Variants in CACHD1 observed in about 807,000 individuals in gnomAD.
CACHD1 encodes VWFA and cache domain-containing protein 1.
A neutral mutation model predicts 138.7 loss-of-function variants in CACHD1; 71 were observed. That is an observed-to-expected ratio of 0.51 (90% CI 0.42 to 0.62). The LOEUF (loss-of-function observed/expected upper bound fraction) is 0.62, where lower values mean the gene tolerates loss of function less well. CACHD1 is among the 20% of genes least tolerant of loss of function. The pLI is 0.00. For missense variants in CACHD1, 1,389 were observed against 1,625.3 expected, an observed-to-expected ratio of 0.85 and a Z score of 2.50; for synonymous variants, 578 against 591.5, an observed-to-expected ratio of 0.98 and a Z score of 0.33.
chr1:64,662,659 C>T (rs886249368), intron 13 of CACHD1, among the ~76,000 whole-genome samples: 2 of 152,138 alleles, frequency 1.3e-5, no homozygotes, highest in Admixed American at 6.5e-5. Flanking sequence ...TTTAAAAATA[C>T]TATAAGGTTG....
intron 6 of CACHD1, among the ~76,000 whole-genome samples, chr1:64,633,239 C>T (rs1179521235): frequency 6.6e-6 from 1 of 152,072 alleles, no homozygotes; most frequent in Non-Finnish European, 1.5e-5. Flanking sequence ...ATGTCAGGGA[C>T]CATCTGTATA....
chr1:64,522,264 G>A (rs550534823), intron 1 of CACHD1, among the ~76,000 whole-genome samples: 58 of 151,986 alleles, frequency 3.8e-4, no homozygotes, highest in African/African-American at 1.3e-3. Flanking sequence ...GGCCATAGAT[G>A]TATGGGTTGA....
chr1:64,574,844 A>G (rs1277029934), intron 2 of CACHD1, among the ~76,000 whole-genome samples: 1 of 152,172 alleles, frequency 6.6e-6, no homozygotes, highest in African/African-American at 2.4e-5. Context: ...GCTGAATTTA[A>G]CTGAAACTTC....
At chr1:64,507,849 G>T (rs1242859426) in intron 1 of CACHD1, among the ~76,000 whole-genome samples, 5 of 152,182 alleles carry the variant, frequency 3.3e-5, no homozygotes, top group Admixed American at 3.3e-4. Flanking sequence ...TAAAGTTGGG[G>T]CCTCCATGTC....
intron 2 of CACHD1, among the ~76,000 whole-genome samples, chr1:64,564,000 T>A (rs1646862015): frequency 1.3e-5 from 2 of 152,182 alleles, no homozygotes; most frequent in Admixed American, 1.3e-4. Context: ...AATATAAGGA[T>A]ACCAAAAGAA....
In CACHD1 at chr1:64,688,720, C is replaced by T. The variant is rs1291091108; in HGVS notation, c.3587-2603C>T. On this transcript the variant is annotated intron_variant, in intron 26 of 26. Transcript: ENST00000651257. ...ATCATAGCTCATAGCTTCAGCCAGCCTTCTTGACCTGGTCTTAGCCTATCT... is the reference window on the plus strand; with the variant it reads ...ATCATAGCTCATAGCTTCAGCCAGCTTTCTTGACCTGGTCTTAGCCTATCT... 2.6e-5 allele frequency among the ~76,000 whole-genome samples: 4 copies of T among 152,210 alleles called. No homozygotes were observed. The East Asian group carries it at 7.7e-4, about 29-fold the overall frequency.
At chr1:64,500,920 G>A (rs1480653811) in intron 1 of CACHD1, among the ~76,000 whole-genome samples, 2 of 151,834 alleles carry the variant, frequency 1.3e-5, no homozygotes, top group African/African-American at 4.8e-5. Flanking sequence ...GTGGTGGCAA[G>A]TGCCTATAAT....
At chr1:64,665,084 T>A (rs1649585918) in intron 15 of CACHD1, among the ~76,000 whole-genome samples, 2 of 152,226 alleles carry the variant, frequency 1.3e-5, no homozygotes, top group Admixed American at 1.3e-4. Context: ...TTCTAGGCTT[T>A]TTTTTTACTT....
intron 1 of CACHD1, among the ~76,000 whole-genome samples, chr1:64,521,105 C>G (rs987397089): frequency 6.6e-6 from 1 of 152,210 alleles, no homozygotes; most frequent in African/African-American, 2.4e-5. Flanking sequence ...AAGATGGCAG[C>G]TGGTACTTCA....
intron 1 of CACHD1, among the ~76,000 whole-genome samples, chr1:64,505,055 CAGA>C (rs1646361723): frequency 6.6e-6 from 1 of 152,178 alleles, no homozygotes; most frequent in South Asian, 2.1e-4. Context: ...CTTCCTCACC[CAGA>C]AGAACATTTA....
At chr1:64,631,418 G>C (rs982740353) in intron 5 of CACHD1, among the ~76,000 whole-genome samples, 1 of 152,050 alleles carries the variant, frequency 6.6e-6, no homozygotes, top group Non-Finnish European at 1.5e-5. Context: ...AAATATAGTG[G>C]TACTTTAGTA....
At chr1:64,643,711 A>T (rs138830276) in intron 8 of CACHD1, among the ~76,000 whole-genome samples, 1 of 152,044 alleles carries the variant, frequency 6.6e-6, no homozygotes, top group Non-Finnish European at 1.5e-5. Context: ...GGTGGCGGGC[A>T]CCTGTAGTCC....
intron 1 of CACHD1, among the ~76,000 whole-genome samples, chr1:64,537,892 G>A (rs1341985069): frequency 2.6e-5 from 4 of 151,900 alleles, no homozygotes; most frequent in Non-Finnish European, 5.9e-5. Flanking sequence ...GCTGGTAAGT[G>A]GCAAAGATTT....
chr1:64,622,521 T>C (rs2100618288), intron 4 of CACHD1, among the ~76,000 whole-genome samples: 1 of 152,368 alleles, frequency 6.6e-6, no homozygotes, highest in South Asian at 2.1e-4. Flanking sequence ...TACAAACTAA[T>C]AAATCTGTTA....
rs750077473 is a variant in CACHD1 at position 64,673,808 on chromosome 1, G to A, written c.2727+344G>A. ...TGGCACCATGTGTTCCTCTCTTCCTGTCTTCTAGAGATCACTCGGGCTCCT... is the reference window on the plus strand; with the variant it reads ...TGGCACCATGTGTTCCTCTCTTCCTATCTTCTAGAGATCACTCGGGCTCCT... On this transcript the variant is annotated intron_variant, in intron 19 of 26. Transcript: ENST00000651257. Among the ~76,000 whole-genome samples the A allele has an allele frequency of 2.0e-4, 31 of 152,268 alleles. No individual in the cohort carries two copies. The Middle Eastern group carries it at 0.01, about 50-fold the overall frequency.
chr1:64,541,564 T>C (rs1403474412), intron 1 of CACHD1, among the ~76,000 whole-genome samples: 3 of 152,102 alleles, frequency 2.0e-5, no homozygotes, highest in Non-Finnish European at 4.4e-5. Context: ...TCCCAGCACT[T>C]TGGGAGGCTG....
At chr1:64,644,233 A>G (rs949230472) in intron 8 of CACHD1, among the ~76,000 whole-genome samples, 1 of 152,190 alleles carries the variant, frequency 6.6e-6, no homozygotes, top group African/African-American at 2.4e-5. Flanking sequence ...TCTTTCATTC[A>G]TGAGAGGTAG....
chr1:64,633,902 G>C (rs989298845), intron 6 of CACHD1, 142 bp from the exon 7 acceptor site: 2 of 629,274 alleles, frequency 3.2e-6, no homozygotes, highest in Non-Finnish European at 5.5e-6. Context: ...TAGATGGATG[G>C]CTCCAGGGAT....
At chr1:64,597,652 A>G (rs1647166969) in intron 3 of CACHD1, among the ~76,000 whole-genome samples, 1 of 150,682 alleles carries the variant, frequency 6.6e-6, no homozygotes, top group South Asian at 2.1e-4. Flanking sequence ...TTATAGAGTC[A>G]GGGTCTAAAG....
Sources: gnomAD v4.1 joint callset for allele counts (sites outside exome capture counted in the v4.1 genomes callset) on GRCh38, gnomAD v4.1.1 for gene constraint, MANE v1.5 for transcripts, NCBI Gene and HGNC (gene_info 2026-07-23, HGNC 2026-07-21) for gene names.